CSMD1: variants seen among roughly 807,000 people sequenced by gnomAD.
The protein encoded by CSMD1 is CUB and Sushi multiple domains 1.
CSMD1 carries 213 observed loss-of-function variants against 417.5 expected under a neutral mutation model. The observed-to-expected ratio is 0.51, with a 90% CI of 0.46 to 0.57. The LOEUF is 0.57. CSMD1 is among the 20% of genes least tolerant of loss of function. The probability of loss-of-function intolerance (pLI) is 0.00; values close to 1 mark genes in which losing one functional copy is unlikely to be tolerated. For missense variants in CSMD1, 6,923 were observed against 4,529.7 expected, an observed-to-expected ratio of 1.53 and a Z score of -15.17; for synonymous variants, 2,862 against 1,736.8, an observed-to-expected ratio of 1.65 and a Z score of -16.11.
chr8:3,648,546 G>C (rs1185828329), intron 7 of CSMD1, among the ~76,000 whole-genome samples: 5 of 152,108 alleles, frequency 3.3e-5, no homozygotes, highest in African/African-American at 1.2e-4. Context: ...CTTTTTCTTT[G>C]ATTTCAGAGC....
chr8:4,459,071 T>A (rs1299330087), intron 2 of CSMD1, among the ~76,000 whole-genome samples: 1 of 152,122 alleles, frequency 6.6e-6, no homozygotes, highest in African/African-American at 2.4e-5. Context: ...AAAACTAGAT[T>A]CTCTCTACCT....
intron 2 of CSMD1, among the ~76,000 whole-genome samples, chr8:4,453,897 C>A (rs375471804): frequency 1.4e-5 from 2 of 145,718 alleles, no homozygotes; most frequent in African/African-American, 2.5e-5. Flanking sequence ...CCTCGGCTCA[C>A]TGCCAGCTCC....
intron 1 of CSMD1, among the ~76,000 whole-genome samples, chr8:4,947,457 T>A (rs956969495): frequency 2.0e-5 from 3 of 152,158 alleles, no homozygotes; most frequent in African/African-American, 7.2e-5. Context: ...ATATTTGACT[T>A]GTCATCTGTC....
chr8:3,654,338 A>T (rs1797999525), intron 7 of CSMD1, among the ~76,000 whole-genome samples: 1 of 152,208 alleles, frequency 6.6e-6, no homozygotes, highest in Non-Finnish European at 1.5e-5. Flanking sequence ...CTAGAGTTTG[A>T]AAAGTTTGAT....
intron 37 of CSMD1, among the ~76,000 whole-genome samples, chr8:3,174,568 A>T (rs536384870): frequency 6.6e-6 from 1 of 152,364 alleles, no homozygotes; most frequent in South Asian, 2.1e-4. Flanking sequence ...AAATTTTTAA[A>T]AGACTATATT....
intron 5 of CSMD1, among the ~76,000 whole-genome samples, chr8:3,836,340 C>T (rs1278405834): frequency 6.6e-6 from 1 of 152,104 alleles, no homozygotes; most frequent in African/African-American, 2.4e-5. Flanking sequence ...TGACAAAGAT[C>T]TATGAGGAAC....
intron 3 of CSMD1, among the ~76,000 whole-genome samples, chr8:4,339,328 A>T (rs187938728): frequency 6.6e-6 from 1 of 152,212 alleles, no homozygotes; most frequent in East Asian, 1.9e-4. Context: ...TAAATTCACA[A>T]GCTATGCTGG....
chr8:4,276,807 C>G (rs890232397), intron 3 of CSMD1, among the ~76,000 whole-genome samples: 1 of 152,026 alleles, frequency 6.6e-6, no homozygotes, highest in South Asian at 2.1e-4. Flanking sequence ...GTGGTTTTCC[C>G]TGAGAACTAA....
At chr8:4,160,469 T>C (rs1797088903) in intron 3 of CSMD1, among the ~76,000 whole-genome samples, 1 of 152,266 alleles carries the variant, frequency 6.6e-6, no homozygotes, top group Non-Finnish European at 1.5e-5. Context: ...GTGTTGGTCA[T>C]GTGTCTTCAT....
chr8:4,413,938 C>T (rs1796789075), intron 3 of CSMD1, among the ~76,000 whole-genome samples: 1 of 152,166 alleles, frequency 6.6e-6, no homozygotes, highest in African/African-American at 2.4e-5. Flanking sequence ...TGAAATTTTG[C>T]ATTTGTTTCA....
chr8:3,635,685 G>C (rs1333272689), intron 7 of CSMD1, among the ~76,000 whole-genome samples: 1 of 149,832 alleles, frequency 6.7e-6, no homozygotes, highest in Non-Finnish European at 1.5e-5. Flanking sequence ...GGGATTCACT[G>C]TGTTAGCCAG....
At chr8:3,189,076 T>A in intron 34 of CSMD1, 65 bp from the exon 35 acceptor site, 1 of 1,476,126 alleles carries the variant, frequency 6.8e-7, no homozygotes. Flanking sequence ...TGGCATGCAG[T>A]TTTCTTTCAC....
Position 4,422,911 on chromosome 8 carries a change from G to T in CSMD1, c.303-2846C>A, listed in dbSNP as rs142441881. ...TCCATATAATCTGCAATATTAATGG[G>T]CTAACAAAGTAAAATCACAAGATCA... On this transcript the variant is annotated intron_variant, in intron 2 of 69. Transcript: ENST00000635120. Among the ~76,000 whole-genome samples, 4 of 151,974 alleles carry T rather than the reference G, an allele frequency of 2.6e-5. No homozygotes were observed. The East Asian group carries it at 7.8e-4, about 29-fold the overall frequency.
chr8:3,165,243 A>G (rs984089038), intron 37 of CSMD1, among the ~76,000 whole-genome samples: 1 of 151,926 alleles, frequency 6.6e-6, no homozygotes, highest in South Asian at 2.1e-4. Flanking sequence ...TTTTTTATCA[A>G]TATTATTTAA....
intron 2 of CSMD1, among the ~76,000 whole-genome samples, chr8:4,602,406 T>TA (rs1037203250): frequency 1.3e-5 from 2 of 152,142 alleles, no homozygotes; most frequent in African/African-American, 4.8e-5. Context: ...TGGTCCAAGA[T>TA]ACGGAACACA....
intron 3 of CSMD1, among the ~76,000 whole-genome samples, chr8:4,037,825 T>C (rs563814193): frequency 2.0e-5 from 3 of 152,158 alleles, no homozygotes; most frequent in Admixed American, 6.5e-5. Flanking sequence ...TATGTTTGTA[T>C]ATAAATATTA....
At chr8:4,632,621 A>G (rs1191232277) in intron 2 of CSMD1, among the ~76,000 whole-genome samples, 1 of 152,144 alleles carries the variant, frequency 6.6e-6, no homozygotes, top group Admixed American at 6.5e-5. Context: ...AGACATCTGA[A>G]TGTACAAAGA....
At chr8:3,153,879 G>C (rs559395169) in intron 39 of CSMD1, among the ~76,000 whole-genome samples, 2 of 152,298 alleles carry the variant, frequency 1.3e-5, no homozygotes, top group Admixed American at 1.3e-4. Flanking sequence ...GTAATCCTTT[G>C]TTTTTGATGT....
chr8:3,919,184 CAAAAAAAAAAAAAA>C lies in CSMD1; in HGVS notation c.818+78705_818+78718del, dbSNP rs71203490. Among the ~76,000 whole-genome samples, 12 of 91,820 alleles carry C rather than the reference CAAAAAAAAAAAAAA, an allele frequency of 1.3e-4. 1 individual carries two copies. Among genetic ancestry groups the C allele is most frequent in the Admixed American group, 3.8e-4 (3 of 7,820 alleles). The allele number at this position is 91,820 out of a possible 152,430, so 60.2% of individuals were successfully genotyped here. ...TTGCCTGTACTTTTCGTGTCATATC[CAAAAAAAAAAAAAA>C]AAAAAAAAAAAAGAAAGAAATCATT... On this transcript the variant is annotated intron_variant, in intron 5 of 69. Transcript: ENST00000635120.
Sources: gnomAD v4.1 joint callset for allele counts (sites outside exome capture counted in the v4.1 genomes callset) on GRCh38, gnomAD v4.1.1 for gene constraint, MANE v1.5 for transcripts, NCBI Gene and HGNC (gene_info 2026-07-23, HGNC 2026-07-21) for gene names.